The following FKBP14 variants were observed in gnomAD, a reference collection of about 807,000 sequenced individuals.
FKBP14 encodes the protein peptidyl-prolyl cis-trans isomerase FKBP14.
FKBP14 carries 20 observed loss-of-function variants against 21.6 expected under a neutral mutation model. That is an observed-to-expected ratio of 0.92 (90% CI 0.65 to 1.34). The LOEUF is 1.34. Ranked by LOEUF, FKBP14 falls within the 40% of genes most tolerant of loss-of-function variation. The pLI is 0.00. For missense variants in FKBP14, 253 were observed against 249.0 expected, an observed-to-expected ratio of 1.02 and a Z score of -0.11; for synonymous variants, 79 against 86.7, an observed-to-expected ratio of 0.91 and a Z score of 0.49.
chr7:30,022,691 G>A lies in FKBP14; in HGVS notation c.323C>T (p.Ala108Val). 6.2e-7 allele frequency: 1 copy of A among 1,613,946 alleles called. No individual in the cohort carries two copies. ...TTTTCCTTCTTTTCCATAGCCCAGAGCAGGAGGAATGATGAGCTTTCTCTT... is the reference window on the plus strand; with the variant it reads ...TTTTCCTTCTTTTCCATAGCCCAGAACAGGAGGAATGATGAGCTTTCTCTT... The part of the protein sequence containing the change: ...GEKRKLIIPP[A>V]LGYGKEGKGK... Residue 108 changes from alanine to valine, a missense_variant, in exon 2 of 4, where the codon GCT (alanine) becomes GTT (valine). Coordinates refer to ENST00000222803, the MANE Select transcript of FKBP14 (RefSeq NM_017946.4).
chr7:30,018,899 A>G, intron 3 of FKBP14, 97 bp downstream of exon 3: 1 of 1,228,504 alleles, frequency 8.1e-7, no homozygotes, highest in Non-Finnish European at 1.1e-6. Context: ...AAATATACAC[A>G]TATTCATTTA....
chr7:30,021,966 C>G (rs939238295), intron 2 of FKBP14, among the ~76,000 whole-genome samples: 1 of 152,146 alleles, frequency 6.6e-6, no homozygotes, highest in African/African-American at 2.4e-5. Flanking sequence ...GCTGTCCGGA[C>G]CAGCTAGCCA....
At position 30,026,485 on chromosome 7, in the gene FKBP14, C is replaced by T; in HGVS notation, c.24G>A (p.Ala8=). MRLFLWN[A]VLTLFVTSLI... ...AAGAAGTGACGAACAGAGTCAAGAC[C>T]GCGTTCCACAAGAAAAGCCTCATGT... The change falls in exon 1 of 4, where the codon GCG becomes GCA. Residue 8 remains alanine, a synonymous_variant. Transcript: ENST00000222803. The T allele has an allele frequency of 6.2e-7, 1 of 1,612,114 alleles. No homozygotes were observed. Among genetic ancestry groups the T allele is most frequent in the Non-Finnish European group, 8.5e-7 (1 of 1,179,268 alleles).
In FKBP14 at chr7:30,014,651, A is replaced by G; in HGVS notation, c.*84T>C. ...AAAATAAAAAACAAAGCAAGAAAGA[A>G]CATTGTATAAAAATAAAATGTTCTT... On this transcript the variant is annotated 3_prime_UTR_variant, in exon 4 of 4. Transcript: ENST00000222803. The G allele has an allele frequency of 1.1e-6, 1 of 916,846 alleles. No individual in the cohort carries two copies. The highest frequency in any genetic ancestry group is 1.5e-6 in the Non-Finnish European group (1 of 681,718). 56.8% of individuals were successfully genotyped at this position (916,846 alleles called of 1,614,324 possible). A position where few individuals can be genotyped will look rare whatever the true frequency, so the allele number is the denominator to read the frequency against.
At chr7:30,022,533 G>A (rs1790059882) in intron 2 of FKBP14, 132 bp downstream of exon 2, 1 of 840,582 alleles carries the variant, frequency 1.2e-6, no homozygotes, top group African/African-American at 1.7e-5. Context: ...ACATAATACA[G>A]TTGCTAAAGG....
chr7:30,020,981 G>T (rs934064465), intron 2 of FKBP14, among the ~76,000 whole-genome samples: 5 of 152,202 alleles, frequency 3.3e-5, no homozygotes, highest in African/African-American at 1.2e-4. Context: ...TTCCTTCTCA[G>T]GAAATGGGCT....
downstream of FKBP14, among the ~76,000 whole-genome samples, chr7:30,007,800 G>A (rs1789642921): frequency 6.6e-6 from 1 of 152,140 alleles, no homozygotes; most frequent in Non-Finnish European, 1.5e-5. Flanking sequence ...TGTAATCCCA[G>A]GACTTTGGGA....
intron 2 of FKBP14, among the ~76,000 whole-genome samples, chr7:30,021,996 C>T (rs551827269): frequency 6.6e-5 from 10 of 152,278 alleles, no homozygotes; most frequent in African/African-American, 2.2e-4. Context: ...TGCTTTGTGA[C>T]ACAGGGAGAA....
Position 30,019,047 on chromosome 7 carries a change from T to C in FKBP14, c.426A>G (p.Glu142=). Residue 142 remains glutamate (E), a synonymous_variant, in exon 3 of 4, where the codon GAA becomes GAG. Coordinates refer to ENST00000222803, the MANE Select transcript of FKBP14 (RefSeq NM_017946.4). ...LEIRNGPRSH[E]SFQEMDLNDD... is the part of the protein sequence containing the mutation. ...CATTAAGATCCATTTCTTGGAATGA[T>C]TCATGGGATCTTGGTCCATTTCGAA... The C allele has an allele frequency of 1.2e-6, 2 of 1,603,294 alleles. No homozygotes were observed. The highest frequency in any genetic ancestry group is 1.7e-6 in the Non-Finnish European group (2 of 1,176,540).
rs1789738437 is a variant in FKBP14 at position 30,011,597 on chromosome 7, T to C, written c.*3138A>G. On this transcript the variant is annotated 3_prime_UTR_variant, in exon 4 of 4. Coordinates refer to ENST00000222803, the MANE Select transcript of FKBP14 (RefSeq NM_017946.4). Reference sequence around the variant, plus strand: ...ATGGTATATATATATATATAGTATATATATATATATATATTTTTTTTTTTA... The same window carrying C: ...ATGGTATATATATATATATAGTATACATATATATATATATTTTTTTTTTTA... 7.7e-6 allele frequency: 1 copy of C among 129,068 alleles called. No homozygotes were observed. The highest frequency in any genetic ancestry group is 1.7e-5 in the Non-Finnish European group (1 of 60,526). 8.0% of individuals were successfully genotyped at this position (129,068 alleles called of 1,614,324 possible). A position where few individuals can be genotyped will look rare whatever the true frequency, so the allele number is the denominator to read the frequency against.
At chr7:30,006,402 C>T (rs1789619010), downstream of FKBP14, among the ~76,000 whole-genome samples, 2 of 151,832 alleles carry the variant, frequency 1.3e-5, no homozygotes, top group Non-Finnish European at 2.9e-5. Flanking sequence ...GTTGAGATTA[C>T]AGGCGTGAGC....
At position 30,011,266 on chromosome 7, in the gene FKBP14, C is replaced by T. The variant is rs1049221918; in HGVS notation, c.*3469G>A. 6.6e-6 allele frequency: 1 copy of T among 151,788 alleles called. No individual in the cohort carries two copies. The highest frequency in any genetic ancestry group is 2.1e-4 in the South Asian group (1 of 4,806). The allele number at this position is 151,788 out of a possible 1,614,324, so 9.4% of individuals were successfully genotyped here. On this transcript the variant is annotated 3_prime_UTR_variant, in exon 4 of 4. Coordinates refer to ENST00000222803, the MANE Select transcript of FKBP14 (RefSeq NM_017946.4). ...ATGTTGGCCCGGCTGGTCCCAAACT[C>T]ATGACCTCGAGTGATCCACCCACCT... is the stretch of plus-strand genomic sequence containing the variant.
Position 30,012,160 on chromosome 7 carries a change from C to T in FKBP14, c.*2575G>A, listed in dbSNP as rs1789757191. On this transcript the variant is annotated 3_prime_UTR_variant, in exon 4 of 4. Transcript: ENST00000222803. ...TGAGGTATGACTGTACATGTGAAGT[C>T]ACAGTTCATGTCTGATTATTCCCAC... The T allele has an allele frequency of 6.6e-6, 1 of 152,180 alleles. No homozygotes were observed. Among genetic ancestry groups the T allele is most frequent in the Non-Finnish European group, 1.5e-5 (1 of 68,052 alleles). The allele number at this position is 152,180 out of a possible 1,614,324, so 9.4% of individuals were successfully genotyped here. A position where few individuals can be genotyped will look rare whatever the true frequency, so the allele number is the denominator to read the frequency against.
chr7:30,006,185 G>A, downstream of FKBP14, among the ~76,000 whole-genome samples: 1 of 140,688 alleles, frequency 7.1e-6, no homozygotes, highest in African/African-American at 2.7e-5. Context: ...GCAATGCTGT[G>A]ATCATAGCTC....
In FKBP14 at chr7:30,020,109, C is replaced by T. The variant is rs181075068; in HGVS notation, c.350-986G>A. 2.2e-5 allele frequency: 10 copies of T among 458,182 alleles called. No homozygotes were observed. In the East Asian group the frequency reaches 1.1e-3, roughly 52 times the overall value. 28.4% of individuals were successfully genotyped at this position (458,182 alleles called of 1,614,324 possible). Reference sequence around the variant, plus strand: ...TATTTAACATACAGGTCTGTGTAAACATGTTAAATATTTCTTAGTCATCCT... The same window carrying T: ...TATTTAACATACAGGTCTGTGTAAATATGTTAAATATTTCTTAGTCATCCT... On this transcript the variant is annotated intron_variant, in intron 2 of 3. Transcript: ENST00000222803.
chr7:30,015,423 T>TA (rs1319492508), intron 3 of FKBP14, among the ~76,000 whole-genome samples: 1 of 146,658 alleles, frequency 6.8e-6, no homozygotes, highest in Non-Finnish European at 1.5e-5. Flanking sequence ...GTCAAAAAAA[T>TA]AAAAAATTAA....
rs1789828618 is a variant in FKBP14, at chr7:30,014,568, G to A, written c.*167C>T. The A allele has an allele frequency of 2.5e-6, 1 of 407,866 alleles. No homozygotes were observed. Among genetic ancestry groups the A allele is most frequent in the South Asian group, 1.2e-4 (1 of 8,328 alleles). 25.3% of individuals were successfully genotyped at this position (407,866 alleles called of 1,614,324 possible). A position where few individuals can be genotyped will look rare whatever the true frequency, so the allele number is the denominator to read the frequency against. On this transcript the variant is annotated 3_prime_UTR_variant, in exon 4 of 4. Transcript: ENST00000222803. ...TTTCTTCCCAATAACTTATCAGAAAGAAATGGGTACTTAGAAACCTAAGGG... is the reference window on the plus strand; with the variant it reads ...TTTCTTCCCAATAACTTATCAGAAAAAAATGGGTACTTAGAAACCTAAGGG...
Position 30,014,747 on chromosome 7 carries a change from G to A in FKBP14, c.624C>T (p.His208=), listed in dbSNP as rs757161961. The A allele has an allele frequency of 4.4e-6, 7 of 1,596,402 alleles. No homozygotes were observed. Among genetic ancestry groups the A allele is most frequent in the South Asian group, 2.3e-5 (2 of 87,574 alleles). The change falls in exon 4 of 4, where the codon CAC becomes CAT. Residue 208 remains histidine, a synonymous_variant. Transcript: ENST00000222803. The part of the protein sequence containing the change: ...FISAREFTYK[H]DEL ...GGTAGATGTATCTCTATAACTCATCGTGTTTATATGTAAATTCTCTGGCAG... is the reference window on the plus strand; with the variant it reads ...GGTAGATGTATCTCTATAACTCATCATGTTTATATGTAAATTCTCTGGCAG...
downstream of FKBP14, among the ~76,000 whole-genome samples, chr7:30,008,871 A>C (rs376233962): frequency 2.6e-5 from 4 of 152,032 alleles, no homozygotes; most frequent in East Asian, 7.8e-4. Context: ...AGGCTGAGGC[A>C]GGAGAATGGC....
Sources: gnomAD v4.1 joint callset for allele counts (sites outside exome capture counted in the v4.1 genomes callset) on GRCh38, gnomAD v4.1.1 for gene constraint, MANE v1.5 for transcripts, NCBI Gene and HGNC (gene_info 2026-07-23, HGNC 2026-07-21) for gene names.